Variants in KCND2 observed in about 807,000 individuals in gnomAD.
KCND2 encodes potassium voltage-gated channel subfamily D member 2, also known as A-type voltage-gated potassium channel KCND2.
KCND2 carries 16 observed loss-of-function variants against 54.4 expected under a neutral mutation model. The observed-to-expected ratio is 0.29, with a 90% CI of 0.20 to 0.45. The LOEUF (loss-of-function observed/expected upper bound fraction) is 0.45. Among genes scored for constraint, KCND2 ranks in the 20% least tolerant of loss-of-function variants. The pLI is 1.00. For synonymous variants in KCND2, 317 were observed against 310.7 expected (o/e 1.02, Z -0.21); for missense variants, 486 against 824.2 (o/e 0.59, Z 5.02).
intron 1 of KCND2, among the ~76,000 whole-genome samples, chr7:120,469,009 G>A (rs1027035488): frequency 1.4e-5 from 2 of 140,264 alleles, no homozygotes; most frequent in Admixed American, 1.4e-4. Context: ...TGTGGTTATG[G>A]TGTGGATACA....
chr7:120,499,145 T>TA (rs1272565905), intron 1 of KCND2, among the ~76,000 whole-genome samples: 1 of 152,152 alleles, frequency 6.6e-6, no homozygotes, highest in African/African-American at 2.4e-5. Context: ...TCTATACTGC[T>TA]AAATATTCAG....
chr7:120,365,691 G>A (rs1040338432), intron 1 of KCND2, among the ~76,000 whole-genome samples: 4 of 152,036 alleles, frequency 2.6e-5, no homozygotes, highest in African/African-American at 7.2e-5. Flanking sequence ...ACTTTTTGAC[G>A]TGCATGGTTA....
At chr7:120,677,562 TAG>T (rs1490964657) in intron 1 of KCND2, among the ~76,000 whole-genome samples, 2 of 126,340 alleles carry the variant, frequency 1.6e-5, no homozygotes, top group Non-Finnish European at 3.4e-5. Context: ...TATAGATATA[TAG>T]ATATATAGAT....
chr7:120,455,334 C>T (rs1419057290), intron 1 of KCND2, among the ~76,000 whole-genome samples: 1 of 152,094 alleles, frequency 6.6e-6, no homozygotes, highest in Non-Finnish European at 1.5e-5. Flanking sequence ...GGTACAAAAA[C>T]AGACACATAG....
chr7:120,316,504 A>T (rs1006890193), intron 1 of KCND2, among the ~76,000 whole-genome samples: 6 of 152,240 alleles, frequency 3.9e-5, no homozygotes, highest in African/African-American at 1.4e-4. Flanking sequence ...TTTCAGCATC[A>T]CACGTGTAGG....
chr7:120,559,465 C>G lies in KCND2; in HGVS notation c.1116-173438C>G, dbSNP rs138309670. Among the ~76,000 whole-genome samples, 1,313 of 152,124 alleles carry G rather than the reference C, an allele frequency of 8.6e-3. 64 individuals are homozygous for G. The highest frequency in any genetic ancestry group is 0.074 in the Admixed American group (1,127 of 15,274). On this transcript the variant is annotated intron_variant, in intron 1 of 5. Transcript: ENST00000331113. Reference sequence around the variant, plus strand: ...GATGAGCGAAGCTTCTGAAGATCATCCAGGTAGAAAATGGAAAGGCAGAGA... The same window carrying G: ...GATGAGCGAAGCTTCTGAAGATCATGCAGGTAGAAAATGGAAAGGCAGAGA...
At chr7:120,555,684 G>A (rs928637339) in intron 1 of KCND2, among the ~76,000 whole-genome samples, 1 of 152,136 alleles carries the variant, frequency 6.6e-6, no homozygotes, top group Non-Finnish European at 1.5e-5. Context: ...ATTTAAATAG[G>A]TACACAGTGT....
intron 1 of KCND2, among the ~76,000 whole-genome samples, chr7:120,655,408 T>C (rs1436689910): frequency 6.6e-6 from 1 of 152,066 alleles, no homozygotes; most frequent in Non-Finnish European, 1.5e-5. Flanking sequence ...GCATTCCTAA[T>C]TACTCTTTGG....
At chr7:120,363,311 A>G (rs1800621452) in intron 1 of KCND2, among the ~76,000 whole-genome samples, 2 of 152,034 alleles carry the variant, frequency 1.3e-5, no homozygotes, top group South Asian at 2.1e-4. Flanking sequence ...CTATATATAT[A>G]TATCTCCTTG....
rs1353146590 is a variant in KCND2 at position 120,600,464 on chromosome 7, T to C, written c.1116-132439T>C. Among the ~76,000 whole-genome samples, 4 of 152,040 alleles carry C rather than the reference T, an allele frequency of 2.6e-5. No individual in the cohort carries two copies. In the South Asian group the frequency reaches 6.2e-4, roughly 24 times the overall value. On this transcript the variant is annotated intron_variant, in intron 1 of 5. Coordinates refer to ENST00000331113, the MANE Select transcript of KCND2 (RefSeq NM_012281.3). ...AGAATAAGTTCTACTAAAACCCAAC[T>C]TCTGTGGACAGAGTATTAGATATTT...
At chr7:120,530,791 A>G (rs1791834161) in intron 1 of KCND2, among the ~76,000 whole-genome samples, 2 of 152,152 alleles carry the variant, frequency 1.3e-5, no homozygotes, top group South Asian at 4.1e-4. Context: ...CCATTATTCA[A>G]TCCCACAAGT....
At chr7:120,468,642 TAGC>T (rs1802412430) in intron 1 of KCND2, among the ~76,000 whole-genome samples, 1 of 152,170 alleles carries the variant, frequency 6.6e-6, no homozygotes, top group African/African-American at 2.4e-5. Context: ...TAAAAGGCCA[TAGC>T]AACAACAAGC....
At chr7:120,365,194 G>T (rs1800650295) in intron 1 of KCND2, among the ~76,000 whole-genome samples, 1 of 138,022 alleles carries the variant, frequency 7.2e-6, no homozygotes. Flanking sequence ...AGGAAGGAAG[G>T]GAGGAAAGAA....
chr7:120,299,616 T>G (rs1372689767), intron 1 of KCND2, among the ~76,000 whole-genome samples: 1 of 152,306 alleles, frequency 6.6e-6, no homozygotes, highest in East Asian at 1.9e-4. Context: ...TATTTCTTCA[T>G]CAGAGACAGA....
rs75887725 is a variant in KCND2, at chr7:120,742,933, G to A, written c.1467+331G>A. Among the ~76,000 whole-genome samples the A allele has an allele frequency of 1.6e-3, 239 of 152,152 alleles. 1 individual carries two copies. The highest frequency in any genetic ancestry group is 5.1e-3 in the African/African-American group (211 of 41,518). ...TCATTTTCTGTGATTCTTAAAATGC[G>A]AATTAGACAGAAAAAAATTAATGGT... On this transcript the variant is annotated intron_variant, in intron 4 of 5. Coordinates refer to ENST00000331113, the MANE Select transcript of KCND2 (RefSeq NM_012281.3).
At chr7:120,556,487 C>T (rs1792168039) in intron 1 of KCND2, among the ~76,000 whole-genome samples, 1 of 152,198 alleles carries the variant, frequency 6.6e-6, no homozygotes, top group African/African-American at 2.4e-5. Flanking sequence ...TGTGTGTACA[C>T]TGTTTCAACA....
intron 1 of KCND2, among the ~76,000 whole-genome samples, chr7:120,385,587 A>G (rs2116038390): frequency 6.6e-6 from 1 of 152,250 alleles, no homozygotes; most frequent in Non-Finnish European, 1.5e-5. Context: ...GTTATTCTGA[A>G]CGCTTGGCCT....
chr7:120,716,388 CCA>C (rs954175193), intron 1 of KCND2, among the ~76,000 whole-genome samples: 3 of 152,010 alleles, frequency 2.0e-5, no homozygotes, highest in African/African-American at 4.8e-5. Context: ...GCTCTCTTCT[CCA>C]CACAGAGGGA....
chr7:120,575,034 G>T (rs1792411406), intron 1 of KCND2, among the ~76,000 whole-genome samples: 1 of 152,074 alleles, frequency 6.6e-6, no homozygotes, highest in Non-Finnish European at 1.5e-5. Flanking sequence ...CTTATAGTGT[G>T]TATTAGAGTT....
Sources: allele counts gnomAD v4.1 joint callset (sites outside exome capture counted in the v4.1 genomes callset), GRCh38; gene constraint gnomAD v4.1.1; transcripts MANE v1.5; gene names NCBI Gene and HGNC (gene_info 2026-07-23, HGNC 2026-07-21).